Variants in SLC19A1 observed in about 807,000 individuals in gnomAD.
SLC19A1 encodes the protein solute carrier family 19 member 1, also known as reduced folate transporter.
A neutral mutation model predicts 35.3 loss-of-function variants in SLC19A1; 37 were observed. The observed-to-expected ratio is 1.05, with a 90% CI of 0.81 to 1.38. The LOEUF is 1.38. SLC19A1 is among the 40% of genes most tolerant of loss of function. The pLI is 0.00. For missense variants in SLC19A1, 831 were observed against 826.9 expected, an observed-to-expected ratio of 1.00 and a Z score of -0.06; for synonymous variants, 460 against 398.5, an observed-to-expected ratio of 1.15 and a Z score of -1.84.
chr21:45,525,424 G>A (rs866377450), intron 5 of SLC19A1, among the ~76,000 whole-genome samples: 16 of 152,358 alleles, frequency 1.1e-4, no homozygotes, highest in Middle Eastern at 3.4e-3. Flanking sequence ...AGAGGCCTGC[G>A]CACTGACACT....
intron 1 of SLC19A1, among the ~76,000 whole-genome samples, chr21:45,561,281 T>C (rs556331509): frequency 6.6e-6 from 1 of 152,298 alleles, no homozygotes; most frequent in African/African-American, 2.4e-5. Context: ...AAATAAATAT[T>C]TGAGTATTCT....
intron 1 of SLC19A1, among the ~76,000 whole-genome samples, chr21:45,557,632 T>G (rs1048966068): frequency 5.9e-5 from 9 of 152,236 alleles, no homozygotes; most frequent in African/African-American, 2.2e-4. Context: ...CCAAGGCCAC[T>G]CACTGCCCTG....
intron 1 of SLC19A1, among the ~76,000 whole-genome samples, chr21:45,557,955 C>G (rs2078580059): frequency 1.3e-5 from 2 of 152,230 alleles, no homozygotes; most frequent in Non-Finnish European, 2.9e-5. Context: ...CGGAATCATT[C>G]CTGTTTAGAC....
downstream of SLC19A1, chr21:45,509,692 G>A (rs2037456954): frequency 4.9e-6 from 4 of 809,402 alleles, no homozygotes; most frequent in Non-Finnish European, 8.2e-6. Context: ...GCTGCTGGGG[G>A]TCCCAGGCTT....
At chr21:45,519,662 C>CA (rs1246098586) in intron 5 of SLC19A1, among the ~76,000 whole-genome samples, 7 of 150,760 alleles carry the variant, frequency 4.6e-5, no homozygotes, top group Admixed American at 6.6e-5. Context: ...ACAAGAGGGT[C>CA]AGTCCACCAA....
At chr21:45,526,024 C>G (rs2077603889) in intron 4 of SLC19A1, 66 bp from the exon 5 acceptor site, 4 of 1,566,942 alleles carry the variant, frequency 2.6e-6, no homozygotes, top group Non-Finnish European at 3.5e-6. Context: ...AGGGAAAAGC[C>G]TGCAGCCCGG....
chr21:45,527,383 G>A (rs966898516), intron 4 of SLC19A1, among the ~76,000 whole-genome samples: 11 of 149,596 alleles, frequency 7.4e-5, no homozygotes, highest in African/African-American at 2.7e-4. Context: ...GGAGGTGAGT[G>A]GCAGCAGGTT....
intron 5 of SLC19A1, among the ~76,000 whole-genome samples, chr21:45,523,042 T>G (rs1194836166): frequency 6.8e-6 from 1 of 146,994 alleles, no homozygotes; most frequent in Non-Finnish European, 1.5e-5. Flanking sequence ...ATTACCCAAA[T>G]ATAAAGCTTA....
downstream of SLC19A1, chr21:45,511,236 C>T (rs1177824412): frequency 5.4e-6 from 8 of 1,472,604 alleles, 1 homozygote; most frequent in Admixed American, 1.3e-4. Flanking sequence ...GGTAGGTTCC[C>T]AGTGCCGTGT....
chr21:45,537,371 G>A lies in SLC19A1; in HGVS notation c.189+400C>T, dbSNP rs185949006. On this transcript the variant is annotated intron_variant, in intron 2 of 5. Transcript: ENST00000311124. ...CCTCAAGTGCTCACACATCCAACAG[G>A]AAAAGCGCCCTGGCCCCTGAAGCTG... Among the ~76,000 whole-genome samples the A allele has an allele frequency of 8.0e-3, 1,214 of 152,304 alleles. 19 individuals are homozygous for A. The highest frequency in any genetic ancestry group is 0.027 in the African/African-American group (1,118 of 41,562).
In SLC19A1 at chr21:45,513,851, T is replaced by C. The variant is rs2037750393; in HGVS notation, c.*1807A>G. 1 of 152,152 alleles carries C rather than the reference T, an allele frequency of 6.6e-6. No individual in the cohort carries two copies. Among genetic ancestry groups the C allele is most frequent in the African/African-American group, 2.4e-5 (1 of 41,410 alleles). The allele number at this position is 152,152 out of a possible 1,614,324, so 9.4% of individuals were successfully genotyped here. On this transcript the variant is annotated 3_prime_UTR_variant, in exon 6 of 6. Coordinates refer to ENST00000311124, the MANE Select transcript of SLC19A1 (RefSeq NM_194255.4). The stretch of plus-strand genomic sequence containing the variant: ...GTGTGCACAGGCACGCACGGTTACA[T>C]GGGGTATGCATGCATGGCCATACAC...
chr21:45,531,673 GT>G lies in SLC19A1; in HGVS notation c.664del (p.Thr222ProfsTer9). 1 of 1,612,472 alleles carries G rather than the reference GT, an allele frequency of 6.2e-7. No individual in the cohort carries two copies. Among genetic ancestry groups the G allele is most frequent in the Non-Finnish European group, 8.5e-7 (1 of 1,179,788 alleles). On this transcript the variant is annotated frameshift_variant, in exon 3 of 6. Coordinates refer to ENST00000311124, the MANE Select transcript of SLC19A1 (RefSeq NM_194255.4). LOFTEE classifies it high-confidence loss of function. The stretch of plus-strand genomic sequence containing the variant: ...CATGCGCTCCAGCTCCGAAGCCGAG[GT>G]TTCGCACCGCCCCCGGTCGTCGCGG... The part of the protein sequence containing the change: ...FNRDDRGRCE[T>X]SASELERMNP...
At chr21:45,511,626 G>C (rs1000205807), downstream of SLC19A1, among the ~76,000 whole-genome samples, 1 of 152,046 alleles carries the variant, frequency 6.6e-6, no homozygotes, top group Non-Finnish European at 1.5e-5. Flanking sequence ...GAAATTTCCA[G>C]GGTATCTAGA....
In SLC19A1 at chr21:45,515,596, G is replaced by C. The variant is rs2037871189; in HGVS notation, c.*62C>G. ...CATTGCTAAGGCAGGCGGCCCTCGA[G>C]GCAGGGGTCGTGGGGATGCACTGAG... On this transcript the variant is annotated 3_prime_UTR_variant, in exon 6 of 6. Transcript: ENST00000311124. 1.9e-6 allele frequency: 3 copies of C among 1,603,760 alleles called. No homozygotes were observed. Among genetic ancestry groups the C allele is most frequent in the Non-Finnish European group, 2.5e-6 (3 of 1,177,998 alleles).
In SLC19A1 at chr21:45,534,428, T is replaced by A; in HGVS notation, c.190-2280A>T. The A allele has an allele frequency of 1.1e-6, 1 of 877,994 alleles. No individual in the cohort carries two copies. Among genetic ancestry groups the A allele is most frequent in the Non-Finnish European group, 1.8e-6 (1 of 565,918 alleles). 54.4% of individuals were successfully genotyped at this position (877,994 alleles called of 1,614,324 possible). ...CCCCAGCCCCTGGCCGGGGCACAGG[T>A]TCTGCCCACAGCCCAGAGTCAAAAT... On this transcript the variant is annotated intron_variant, in intron 2 of 5. Transcript: ENST00000311124. The surrounding 1 kb of genome is among the most constrained non-coding windows in gnomAD (Gnocchi z 4.2).
chr21:45,515,749 G>C lies in SLC19A1; in HGVS notation c.1685C>G (p.Thr562Ser). The C allele has an allele frequency of 6.2e-7, 1 of 1,613,820 alleles. No individual in the cohort carries two copies. Among genetic ancestry groups the C allele is most frequent in the Non-Finnish European group, 8.5e-7 (1 of 1,180,008 alleles). The change falls in exon 6 of 6, where the codon ACT (threonine) becomes AGT (serine). Residue 562 changes from threonine to serine, a missense_variant. Physicochemically the swap from Thr to Ser is moderately conservative, Grantham distance 58 (BLOSUM62 1). Coordinates refer to ENST00000311124, the MANE Select transcript of SLC19A1 (RefSeq NM_194255.4). Reference sequence around the variant, plus strand: ...AGGATGGACAGCCAGCTGGGGACAAGTCTCATCTGCAGCCTCAGGGCCTGA... The same window carrying C: ...AGGATGGACAGCCAGCTGGGGACAACTCTCATCTGCAGCCTCAGGGCCTGA... Reference protein sequence around the residue: ...QASGPEAADETCPQLAVHPPG... With the variant: ...QASGPEAADESCPQLAVHPPG...
intron 5 of SLC19A1, among the ~76,000 whole-genome samples, chr21:45,525,338 A>G (rs2077571618): frequency 6.6e-6 from 1 of 152,194 alleles, no homozygotes; most frequent in South Asian, 2.1e-4. Flanking sequence ...GACCCTCAGG[A>G]GTTAAATGTG....
At chr21:45,544,290 G>A (rs996385725), upstream of SLC19A1, 2 of 152,354 alleles carry the variant, frequency 1.3e-5, no homozygotes, top group Non-Finnish European at 2.9e-5. Flanking sequence ...TCGGAGTGGG[G>A]AGGTAGGGCT....
At chr21:45,562,684 G>C (rs1278778138) in intron 1 of SLC19A1, among the ~76,000 whole-genome samples, 1 of 152,208 alleles carries the variant, frequency 6.6e-6, no homozygotes, top group Non-Finnish European at 1.5e-5. Context: ...GAGCCTGCTA[G>C]GCAAAGATGG....
Sources: allele counts gnomAD v4.1 joint callset (sites outside exome capture counted in the v4.1 genomes callset), GRCh38; gene constraint gnomAD v4.1.1; non-coding constraint Gnocchi (gnomAD v3.1); transcripts MANE v1.5; gene names NCBI Gene and HGNC (gene_info 2026-07-23, HGNC 2026-07-21).